Variants in NFE2L2 observed in about 807,000 individuals in gnomAD.
The protein encoded by NFE2L2 is NFE2 like bZIP transcription factor 2.
In NFE2L2, 20 loss-of-function variants were observed where a neutral mutation model predicts 49.6. The ratio of observed to expected loss-of-function variants is 0.40; its 90% confidence interval spans 0.28 to 0.59. NFE2L2 has a LOEUF of 0.59. NFE2L2 is among the 20% of genes least tolerant of loss of function. The pLI is 0.40. For synonymous variants in NFE2L2, 244 were observed against 256.5 expected (o/e 0.95, Z 0.47); for missense variants, 578 against 714.2 (o/e 0.81, Z 2.17).
intron 1 of NFE2L2, among the ~76,000 whole-genome samples, chr2:177,245,232 C>T (rs951786772): frequency 6.6e-6 from 1 of 151,994 alleles, no homozygotes; most frequent in Admixed American, 6.6e-5. Context: ...GTTAATGCCA[C>T]ACTGTCACGG....
intron 1 of NFE2L2, among the ~76,000 whole-genome samples, chr2:177,236,184 T>C (rs1689743877): frequency 6.6e-6 from 1 of 152,214 alleles, no homozygotes; most frequent in African/African-American, 2.4e-5. Flanking sequence ...AATAACATGG[T>C]GGTTGTTTCA....
At chr2:177,234,638 T>C (rs531942850) in intron 1 of NFE2L2, among the ~76,000 whole-genome samples, 1 of 152,370 alleles carries the variant, frequency 6.6e-6, no homozygotes, top group East Asian at 1.9e-4. Flanking sequence ...AGCCACTGGC[T>C]TATATAAGAG....
rs1411537671 is a variant in NFE2L2 at position 177,231,125 on chromosome 2, G to C, written c.1478C>G (p.Ala493Gly). Residue 493 changes from alanine to glycine, a missense_variant, in exon 5 of 5, where the codon GCT (alanine) becomes GGT (glycine). By Grantham distance (60) the Ala-to-Gly change is moderately conservative. Around this residue, in one of 3 missense-constraint regions of NFE2L2, gnomAD observed 117 missense variants for 175.8 expected, o/e 0.67. Coordinates refer to ENST00000397062, the MANE Select transcript of NFE2L2 (RefSeq NM_006164.5). ...EMMSKEQFNE[A>G]QLALIRDIRR... is the part of the protein sequence containing the mutation. ...TATATCCCGAATTAATGCAAGTTGA[G>C]CTTCATTGAACTGCTCTTTGGACAT... The C allele has an allele frequency of 6.2e-7, 1 of 1,613,970 alleles. No individual in the cohort carries two copies. Among genetic ancestry groups the C allele is most frequent in the East Asian group, 2.2e-5 (1 of 44,902 alleles).
chr2:177,255,168 A>G (rs931977859), intron 1 of NFE2L2, among the ~76,000 whole-genome samples: 3 of 152,332 alleles, frequency 2.0e-5, no homozygotes, highest in African/African-American at 7.2e-5. Context: ...ATGAGCTTCT[A>G]TCTAGGCGAG....
intron 1 of NFE2L2, among the ~76,000 whole-genome samples, chr2:177,260,753 A>C (rs1436766288): frequency 1.3e-5 from 2 of 151,882 alleles, no homozygotes; most frequent in African/African-American, 2.4e-5. Context: ...ACCAAGTAGC[A>C]AGGCAAACAA....
In NFE2L2 at chr2:177,257,435, G is replaced by T. The variant is rs562307954; in HGVS notation, c.45+7097C>A. 3.6e-4 allele frequency among the ~76,000 whole-genome samples: 55 copies of T among 152,298 alleles called. 3 individuals carry two copies. In the South Asian group the frequency reaches 9.9e-3, roughly 28 times the overall value. On this transcript the variant is annotated intron_variant, in intron 1 of 4. Transcript: ENST00000397062. ...TTCTGGAGGGGTTTAATGAGCCCAG[G>T]TTATATATATTTAGTGAGTTTCAAA...
intron 4 of NFE2L2, 100 bp downstream of exon 4, chr2:177,232,292 C>A: frequency 8.3e-7 from 1 of 1,212,020 alleles, no homozygotes; most frequent in South Asian, 1.6e-5. Context: ...TAATAGCACC[C>A]TCCAATCCTT....
chr2:177,232,959 G>A (rs1689609435), intron 3 of NFE2L2: 5 of 488,044 alleles, frequency 1.0e-5, no homozygotes, highest in Middle Eastern at 5.3e-4. Context: ...TTAGATACTT[G>A]CAGCAAATGG....
chr2:177,251,309 G>T (rs1241349672), intron 1 of NFE2L2, among the ~76,000 whole-genome samples: 2 of 152,152 alleles, frequency 1.3e-5, no homozygotes, highest in Non-Finnish European at 2.9e-5. Context: ...GTTCCTGTTT[G>T]GATTTAGCCT....
chr2:177,263,216 T>G (rs1461770486), intron 1 of NFE2L2, among the ~76,000 whole-genome samples: 1 of 152,224 alleles, frequency 6.6e-6, no homozygotes, highest in East Asian at 1.9e-4. Context: ...TAGCAAGTGT[T>G]TTGAAACGCA....
chr2:177,235,875 G>A (rs969482090), intron 1 of NFE2L2, among the ~76,000 whole-genome samples: 1 of 152,172 alleles, frequency 6.6e-6, no homozygotes, highest in African/African-American at 2.4e-5. Context: ...GCTAGGCATA[G>A]GAACCACATC....
In NFE2L2 at chr2:177,230,647, G is replaced by A. The variant is rs546052185; in HGVS notation, c.*138C>T. The A allele has an allele frequency of 3.2e-5, 31 of 966,338 alleles. No individual in the cohort carries two copies. Among genetic ancestry groups the A allele is most frequent in the African/African-American group, 8.5e-5 (5 of 58,778 alleles). 59.9% of individuals were successfully genotyped at this position (966,338 alleles called of 1,614,324 possible). A position where few individuals can be genotyped will look rare whatever the true frequency, so the allele number is the denominator to read the frequency against. ...ACACTCCAATGCTTTTTAAAGTTTCGTATTATTTTCTATACTAGTTTTGGC... is the reference window on the plus strand; with the variant it reads ...ACACTCCAATGCTTTTTAAAGTTTCATATTATTTTCTATACTAGTTTTGGC... On this transcript the variant is annotated 3_prime_UTR_variant, in exon 5 of 5. Coordinates refer to ENST00000397062, the MANE Select transcript of NFE2L2 (RefSeq NM_006164.5).
chr2:177,262,786 T>G (rs1022695505), intron 1 of NFE2L2, among the ~76,000 whole-genome samples: 1 of 152,174 alleles, frequency 6.6e-6, no homozygotes, highest in Non-Finnish European at 1.5e-5. Flanking sequence ...AAAACTAAAG[T>G]TCATTTTTAT....
rs1212250525 is a variant in NFE2L2 at position 177,230,695 on chromosome 2, T to G, written c.*90A>C. On this transcript the variant is annotated 3_prime_UTR_variant, in exon 5 of 5. Coordinates refer to ENST00000397062, the MANE Select transcript of NFE2L2 (RefSeq NM_006164.5). ...GGCTATGATTTTGCATAGAATTACT[T>G]ATAAAGTATGAGCATTTCACATCAC... The G allele has an allele frequency of 1.4e-6, 2 of 1,401,254 alleles. No homozygotes were observed. The highest frequency in any genetic ancestry group is 1.9e-6 in the Non-Finnish European group (2 of 1,054,784). The allele number at this position is 1,401,254 out of a possible 1,614,324, so 86.8% of individuals were successfully genotyped here.
At position 177,244,735 on chromosome 2, in the gene NFE2L2, G is replaced by A. The variant is rs527741554; in HGVS notation, c.46-10464C>T. Among the ~76,000 whole-genome samples, 6 of 152,192 alleles carry A rather than the reference G, an allele frequency of 3.9e-5. 1 individual carries two copies. The highest frequency in any genetic ancestry group is 9.6e-5 in the African/African-American group (4 of 41,544). ...GAAGTAAATAATCTCGGCTGGGTGC[G>A]GTGGCACACGCCTGTAATCCCAGCA... is the stretch of plus-strand genomic sequence containing the variant. On this transcript the variant is annotated intron_variant, in intron 1 of 4. Transcript: ENST00000397062.
chr2:177,251,505 C>A (rs1271240213), intron 1 of NFE2L2, among the ~76,000 whole-genome samples: 1 of 152,104 alleles, frequency 6.6e-6, no homozygotes, highest in Non-Finnish European at 1.5e-5. Context: ...AGCAGACAGG[C>A]TGGAGGGTCT....
chr2:177,247,717 C>T (rs1056903108), intron 1 of NFE2L2, among the ~76,000 whole-genome samples: 2 of 149,618 alleles, frequency 1.3e-5, no homozygotes, highest in South Asian at 2.1e-4. Flanking sequence ...AAAGAATAAA[C>T]TTCCACTCCA....
In NFE2L2 at chr2:177,230,772, A is replaced by C; in HGVS notation, c.*13T>G. On this transcript the variant is annotated 3_prime_UTR_variant, in exon 5 of 5. Transcript: ENST00000397062. ...AAAAAAACTAGCTCAGAAAAGGTCA[A>C]ATCCTCCTAAATCTAGTTTTTCTTA... 2 of 1,563,526 alleles carry C rather than the reference A, an allele frequency of 1.3e-6. No individual in the cohort carries two copies. Among genetic ancestry groups the C allele is most frequent in the Non-Finnish European group, 1.7e-6 (2 of 1,162,080 alleles).
At position 177,230,612 on chromosome 2, in the gene NFE2L2, C is replaced by G. The variant is rs1049701825; in HGVS notation, c.*173G>C. 6.0e-6 allele frequency: 4 copies of G among 664,576 alleles called. No homozygotes were observed. Among genetic ancestry groups the G allele is most frequent in the Non-Finnish European group, 6.9e-6 (3 of 435,774 alleles). The allele number at this position is 664,576 out of a possible 1,614,324, so 41.2% of individuals were successfully genotyped here. A position where few individuals can be genotyped will look rare whatever the true frequency, so the allele number is the denominator to read the frequency against. Reference sequence around the variant, plus strand: ...TACAGTTAAAGTGAAACTACTGATTCAACATACTGACACTCCAATGCTTTT... The same window carrying G: ...TACAGTTAAAGTGAAACTACTGATTGAACATACTGACACTCCAATGCTTTT... On this transcript the variant is annotated 3_prime_UTR_variant, in exon 5 of 5. Transcript: ENST00000397062.
Sources: allele counts gnomAD v4.1 joint callset (sites outside exome capture counted in the v4.1 genomes callset), GRCh38; gene constraint gnomAD v4.1.1; regional missense constraint gnomAD v4.1.1; transcripts MANE v1.5; gene names NCBI Gene and HGNC (gene_info 2026-07-23, HGNC 2026-07-21).